The following PCSK2 variants were observed in gnomAD, a reference collection of about 807,000 sequenced individuals.
PCSK2 encodes proprotein convertase subtilisin/kexin type 2.
PCSK2 carries 14 observed loss-of-function variants against 69.7 expected under a neutral mutation model. The observed-to-expected ratio is 0.20, with a 90% confidence interval of 0.13 to 0.31. PCSK2 has a LOEUF of 0.31. PCSK2 is among the 10% of genes least tolerant of loss of function. PCSK2 has a pLI of 1.00. For missense variants in PCSK2, 544 were observed against 842.5 expected, an observed-to-expected ratio of 0.65 and a Z score of 4.39; for synonymous variants, 307 against 320.7, an observed-to-expected ratio of 0.96 and a Z score of 0.46.
chr20:17,411,335 G>A (rs550345167), intron 6 of PCSK2, among the ~76,000 whole-genome samples: 51 of 152,364 alleles, frequency 3.3e-4, no homozygotes, highest in African/African-American at 1.1e-3. Flanking sequence ...CAAATACTGT[G>A]CTTTTCCCAT....
intron 5 of PCSK2, among the ~76,000 whole-genome samples, chr20:17,399,011 G>A (rs2031577299): frequency 6.6e-6 from 1 of 152,056 alleles, no homozygotes; most frequent in South Asian, 2.1e-4. Flanking sequence ...ATTGTACAAT[G>A]GGGGCAAACA....
At chr20:17,366,770 T>G (rs545420479) in intron 4 of PCSK2, among the ~76,000 whole-genome samples, 1 of 152,330 alleles carries the variant, frequency 6.6e-6, no homozygotes, top group African/African-American at 2.4e-5. Flanking sequence ...AACTTAACAC[T>G]TAGTATTCCT....
rs192638977 is a variant in PCSK2, at chr20:17,326,502, G to A, written c.283-31825G>A. Among the ~76,000 whole-genome samples the A allele has an allele frequency of 3.2e-4, 48 of 152,244 alleles. 2 individuals carry two copies. In the East Asian group the frequency reaches 8.7e-3, roughly 28 times the overall value. On this transcript the variant is annotated intron_variant, in intron 2 of 11. Coordinates refer to ENST00000262545, the MANE Select transcript of PCSK2 (RefSeq NM_002594.5). The stretch of plus-strand genomic sequence containing the variant: ...GCTTTAATAATAATATATCAACATC[G>A]TGTCATTAGTTGTGAGAAATGTACC...
At chr20:17,229,006 A>G (rs1986043913) in intron 1 of PCSK2, among the ~76,000 whole-genome samples, 1 of 152,158 alleles carries the variant, frequency 6.6e-6, no homozygotes, top group African/African-American at 2.4e-5. Context: ...AACACAATAA[A>G]GAAGCCGACC....
chr20:17,353,885 A>T (rs528832072), intron 2 of PCSK2, among the ~76,000 whole-genome samples: 3 of 152,208 alleles, frequency 2.0e-5, no homozygotes, highest in Non-Finnish European at 4.4e-5. Flanking sequence ...TCCTAAGCAA[A>T]TTAACACCTG....
In PCSK2 at chr20:17,432,831, G is replaced by C. The variant is rs113369663; in HGVS notation, c.709+3308G>C. ...CCATAGTTACTGTGGGCACCTTCCT[G>C]TTGCAGGGGATGGAAGCTGGCGGAC... On this transcript the variant is annotated intron_variant, in intron 7 of 11. Transcript: ENST00000262545. Among the ~76,000 whole-genome samples, 1,397 of 152,302 alleles carry C rather than the reference G, an allele frequency of 9.2e-3. 18 individuals carry two copies. The highest frequency in any genetic ancestry group is 0.041 in the South Asian group (196 of 4,826).
chr20:17,476,447 G>A (rs1372353412), intron 11 of PCSK2, among the ~76,000 whole-genome samples: 1 of 152,180 alleles, frequency 6.6e-6, no homozygotes, highest in Non-Finnish European at 1.5e-5. Context: ...TTAGCCACAT[G>A]TAGCCAGTGG....
At chr20:17,226,401 G>C (rs888087569), upstream of PCSK2, 1 of 152,144 alleles carries the variant, frequency 6.6e-6, no homozygotes, top group Non-Finnish European at 1.5e-5. Flanking sequence ...AACCCTCCTG[G>C]TGCCAAGGAG....
chr20:17,436,747 T>C lies in PCSK2; in HGVS notation c.749T>C (p.Ile250Thr). 6.2e-7 allele frequency: 1 copy of C among 1,613,950 alleles called. No individual in the cohort carries two copies. The highest frequency in any genetic ancestry group is 8.5e-7 in the Non-Finnish European group (1 of 1,179,994). The change falls in exon 8 of 12, where the codon ATC becomes ACC. Residue 250 changes from isoleucine (I) to threonine (T), a missense_variant. By Grantham distance (89) the Ile-to-Thr change is moderately conservative. Coordinates refer to ENST00000262545, the MANE Select transcript of PCSK2 (RefSeq NM_002594.5). ...GACCAGCCATTCATGACAGACATCA[T>C]CGAGGCCTCCTCCATCAGTCATATG... Reference protein sequence around the residue: ...MLDQPFMTDIIEASSISHMPQ... With the variant: ...MLDQPFMTDITEASSISHMPQ...
chr20:17,392,001 A>AAGGGAAGGG, intron 5 of PCSK2, among the ~76,000 whole-genome samples: 1 of 151,786 alleles, frequency 6.6e-6, no homozygotes, highest in Non-Finnish European at 1.5e-5. Flanking sequence ...GAAAGGAAGG[A>AAGGGAAGGG]AAGGAAGGAA....
At chr20:17,316,049 T>C (rs1381275891) in intron 2 of PCSK2, among the ~76,000 whole-genome samples, 1 of 152,118 alleles carries the variant, frequency 6.6e-6, no homozygotes, top group Non-Finnish European at 1.5e-5. Flanking sequence ...GCCGCCTGGG[T>C]TCCACTCCTA....
At chr20:17,341,435 C>A (rs1031619639) in intron 2 of PCSK2, among the ~76,000 whole-genome samples, 1 of 152,190 alleles carries the variant, frequency 6.6e-6, no homozygotes, top group Admixed American at 6.5e-5. Context: ...CCAGTATCTA[C>A]CTCCTTTCCA....
intron 6 of PCSK2, among the ~76,000 whole-genome samples, chr20:17,422,713 C>T (rs760008660): frequency 6.6e-6 from 1 of 152,084 alleles, no homozygotes; most frequent in African/African-American, 2.4e-5. Context: ...AGATGGGAAG[C>T]TTTGCCGACC....
chr20:17,479,222 C>A, intron 11 of PCSK2: 1 of 1,341,804 alleles, frequency 7.5e-7, no homozygotes, highest in Non-Finnish European at 1.1e-6. Flanking sequence ...TCTTCTGGAC[C>A]ACTGCACATT....
Position 17,251,430 on chromosome 20 carries a change from A to C in PCSK2, c.178-8810A>C, listed in dbSNP as rs895338823. Among the ~76,000 whole-genome samples the C allele has an allele frequency of 2.0e-5, 3 of 152,296 alleles. No homozygotes were observed. The South Asian group carries it at 6.2e-4, about 32-fold the overall frequency. On this transcript the variant is annotated intron_variant, in intron 1 of 11. Coordinates refer to ENST00000262545, the MANE Select transcript of PCSK2 (RefSeq NM_002594.5). ...TCACAAAAGCTACAATGTTCTAAAAAATTTTTATTCACAGAAAAGACCCCT... is the reference window on the plus strand; with the variant it reads ...TCACAAAAGCTACAATGTTCTAAAACATTTTTATTCACAGAAAAGACCCCT...
chr20:17,330,630 T>G (rs1397696150), intron 2 of PCSK2, among the ~76,000 whole-genome samples: 1 of 151,774 alleles, frequency 6.6e-6, no homozygotes, highest in African/African-American at 2.4e-5. Flanking sequence ...TAAAAATACA[T>G]AAATTAAAAT....
At chr20:17,251,397 G>A (rs1986972933) in intron 1 of PCSK2, among the ~76,000 whole-genome samples, 2 of 152,124 alleles carry the variant, frequency 1.3e-5, no homozygotes, top group Admixed American at 1.3e-4. Context: ...TAGTGAACAG[G>A]AACTAAATCA....
chr20:17,236,189 T>C (rs1374017649), intron 1 of PCSK2, among the ~76,000 whole-genome samples: 1 of 152,066 alleles, frequency 6.6e-6, no homozygotes, highest in Non-Finnish European at 1.5e-5. Flanking sequence ...TATTTTAAGT[T>C]TTAAATCATT....
chr20:17,435,288 A>G (rs549267813), intron 7 of PCSK2, among the ~76,000 whole-genome samples: 5 of 152,334 alleles, frequency 3.3e-5, no homozygotes, highest in African/African-American at 1.2e-4. Context: ...GTTGATCCTC[A>G]AGGACATGGA....
Sources: allele counts gnomAD v4.1 joint callset (sites outside exome capture counted in the v4.1 genomes callset), GRCh38; gene constraint gnomAD v4.1.1; transcripts MANE v1.5; gene names NCBI Gene and HGNC (gene_info 2026-07-23, HGNC 2026-07-21).